INSL6: variants seen among roughly 807,000 people sequenced by gnomAD.
INSL6 encodes insulin-like peptide INSL6.
A neutral mutation model predicts 9.4 loss-of-function variants in INSL6; 16 were observed. The ratio of observed to expected loss-of-function variants is 1.70; its 90% CI spans 1.15 to 2.59. The LOEUF is 2.59. INSL6 is among the 30% of genes most tolerant of loss of function. The probability of loss-of-function intolerance (pLI) is 0.00; values close to 1 mark genes in which losing one functional copy is unlikely to be tolerated. For synonymous variants in INSL6, 154 were observed against 96.9 expected (o/e 1.59, Z -3.46); for missense variants, 391 against 257.3 (o/e 1.52, Z -3.56).
At chr9:5,072,062 G>T in the INSL6 span, among the ~76,000 whole-genome samples, 17 of 152,144 alleles carry the variant, frequency 1.1e-4, no homozygotes, top group Non-Finnish European at 2.4e-4. Context: ...GACAGCTGCA[G>T]CACAGAGATT....
At chr9:5,048,832 G>A in the INSL6 span, among the ~76,000 whole-genome samples, 1 of 152,196 alleles carries the variant, frequency 6.6e-6, no homozygotes, top group Admixed American at 6.5e-5. Flanking sequence ...AAATACAGAT[G>A]TAGAGTATAG....
At chr9:5,025,165 G>T in the INSL6 span, among the ~76,000 whole-genome samples, 1 of 152,072 alleles carries the variant, frequency 6.6e-6, no homozygotes, top group Non-Finnish European at 1.5e-5. Context: ...TCTGGGAGAA[G>T]GATAGGTCCT....
chr9:5,012,868 C>T, the INSL6 span, among the ~76,000 whole-genome samples: 2 of 152,094 alleles, frequency 1.3e-5, no homozygotes, highest in South Asian at 4.2e-4. Context: ...AGGGTGGCTC[C>T]TGTGGGAGAT....
At chr9:5,072,751 T>C in the INSL6 span, 3 of 578,046 alleles carry the variant, frequency 5.2e-6, no homozygotes, top group Non-Finnish European at 8.1e-6. Context: ...CAAGGACTTT[T>C]CTGAGGATAC....
At chr9:5,176,137 C>A (rs1825304110) in intron 1 of INSL6, among the ~76,000 whole-genome samples, 1 of 152,164 alleles carries the variant, frequency 6.6e-6, no homozygotes, top group Non-Finnish European at 1.5e-5. Flanking sequence ...CACATTTGGA[C>A]TCTTTGCTAC....
At chr9:4,995,767 T>C in the INSL6 span, among the ~76,000 whole-genome samples, 1 of 152,252 alleles carries the variant, frequency 6.6e-6, no homozygotes, top group Non-Finnish European at 1.5e-5. Context: ...TTGCCAATTA[T>C]TCATTTTAGT....
chr9:5,059,923 T>C, the INSL6 span, among the ~76,000 whole-genome samples: 1 of 152,208 alleles, frequency 6.6e-6, no homozygotes, highest in African/African-American at 2.4e-5. Flanking sequence ...GTAGAGTCTC[T>C]ATAGATTCTA....
chr9:5,064,472 G>C, the INSL6 span, among the ~76,000 whole-genome samples: 1 of 151,546 alleles, frequency 6.6e-6, no homozygotes, highest in Admixed American at 6.6e-5. Context: ...GGAGGTTGCA[G>C]TGAGCCAAGA....
chr9:5,093,754 CT>C, the INSL6 span, among the ~76,000 whole-genome samples: 1 of 152,110 alleles, frequency 6.6e-6, no homozygotes, highest in African/African-American at 2.4e-5. Flanking sequence ...CAATCCTATT[CT>C]ATCATATCAA....
the INSL6 span, among the ~76,000 whole-genome samples, chr9:5,092,024 C>T: frequency 2.6e-5 from 4 of 151,920 alleles, no homozygotes; most frequent in African/African-American, 7.3e-5. Flanking sequence ...TGAGTTAATT[C>T]GGAGAGGATT....
the INSL6 span, chr9:5,098,364 C>G: frequency 6.6e-6 from 1 of 152,168 alleles, no homozygotes; most frequent in African/African-American, 2.4e-5. Flanking sequence ...TTCAATTAGG[C>G]CTTCAAGACG....
chr9:5,153,891 T>C (rs577089797), intron 2 of INSL6, among the ~76,000 whole-genome samples: 1 of 152,246 alleles, frequency 6.6e-6, no homozygotes, highest in South Asian at 2.1e-4. Context: ...AAAATGGCCA[T>C]ACTGCCCAAA....
chr9:5,039,716 T>TA, the INSL6 span, among the ~76,000 whole-genome samples: 1 of 152,068 alleles, frequency 6.6e-6, no homozygotes, highest in Non-Finnish European at 1.5e-5. Context: ...AAAATGAAAT[T>TA]AAAAAAATTT....
At chr9:5,019,764 T>G in the INSL6 span, among the ~76,000 whole-genome samples, 1 of 152,216 alleles carries the variant, frequency 6.6e-6, no homozygotes, top group Non-Finnish European at 1.5e-5. Context: ...TCTGGGTGCA[T>G]GCAGTAGTGT....
At chr9:5,114,652 G>T in the INSL6 span, 3 of 459,454 alleles carry the variant, frequency 6.5e-6, no homozygotes, top group Admixed American at 5.0e-5. Flanking sequence ...ACGCAGCCCC[G>T]CAAAACCAAG....
chr9:5,130,773 G>A (rs1355842295), intron 3 of INSL6, among the ~76,000 whole-genome samples: 1 of 149,452 alleles, frequency 6.7e-6, no homozygotes, highest in South Asian at 2.1e-4. Context: ...CTGTCGCCCA[G>A]CCTGGAGTGC....
At chr9:5,141,114 C>T (rs1194808303) in intron 2 of INSL6, among the ~76,000 whole-genome samples, 3 of 152,006 alleles carry the variant, frequency 2.0e-5, no homozygotes, top group Non-Finnish European at 2.9e-5. Context: ...CTATCACTGA[C>T]GGACATTTAG....
chr9:5,163,679 T>C (rs1473468581), downstream of INSL6, among the ~76,000 whole-genome samples: 1 of 152,160 alleles, frequency 6.6e-6, no homozygotes, highest in African/African-American at 2.4e-5. Context: ...CTTAGATGTC[T>C]GCATGGATCA....
chr9:5,083,781 A>C, the INSL6 span, among the ~76,000 whole-genome samples: 2 of 86,650 alleles, frequency 2.3e-5, no homozygotes, highest in African/African-American at 2.3e-4. Flanking sequence ...TTATCTTTTC[A>C]AGTAATTTTT....
Sources: gnomAD v4.1 joint callset for allele counts (sites outside exome capture counted in the v4.1 genomes callset) on GRCh38, gnomAD v4.1.1 for gene constraint, MANE v1.5 for transcripts, NCBI Gene and HGNC (gene_info 2026-07-23, HGNC 2026-07-21) for gene names.